Variants in CYP4Z1 observed in about 807,000 individuals in gnomAD.
The protein encoded by CYP4Z1 is cytochrome P450 family 4 subfamily Z member 1.
A neutral mutation model predicts 54.2 loss-of-function variants in CYP4Z1; 41 were observed. The observed-to-expected ratio is 0.76, with a 90% CI of 0.59 to 0.98. The LOEUF is 0.98. Ranked by LOEUF, CYP4Z1 falls within the 50% of genes least tolerant of loss-of-function variation. CYP4Z1 has a pLI of 0.00. For synonymous variants in CYP4Z1, 163 were observed against 206.2 expected (o/e 0.79, Z 1.79); for missense variants, 513 against 599.0 (o/e 0.86, Z 1.50).
At chr1:47,085,693 TC>T (rs1644587993) in intron 6 of CYP4Z1, among the ~76,000 whole-genome samples, 2 of 152,244 alleles carry the variant, frequency 1.3e-5, no homozygotes, top group South Asian at 4.1e-4. Flanking sequence ...CTTTTTCTTT[TC>T]CTTTTTTTTA....
Position 47,068,741 on chromosome 1 carries a change from C to G in CYP4Z1, c.297C>G (p.Ala99=). 2 of 1,614,040 alleles carry G rather than the reference C, an allele frequency of 1.2e-6. No homozygotes were observed. The highest frequency in any genetic ancestry group is 1.7e-6 in the Non-Finnish European group (2 of 1,179,980). The change falls in exon 2 of 12, where the codon GCC becomes GCG. Residue 99 remains alanine, a synonymous_variant. Coordinates refer to ENST00000334194, the MANE Select transcript of CYP4Z1 (RefSeq NM_178134.3). ...MFFSVHDPDY[A]KILLKRQDPK... is the part of the protein sequence containing the mutation. ...TCAGTGTCCATGACCCAGACTATGCCAAGATTCTCCTGAAAAGACAAGGTA... is the reference window on the plus strand; with the variant it reads ...TCAGTGTCCATGACCCAGACTATGCGAAGATTCTCCTGAAAAGACAAGGTA...
At chr1:47,106,565 G>T (rs1311157386) in intron 9 of CYP4Z1, among the ~76,000 whole-genome samples, 1 of 152,136 alleles carries the variant, frequency 6.6e-6, no homozygotes, top group African/African-American at 2.4e-5. Flanking sequence ...GCAAAGATGA[G>T]AGAGGCAGTA....
At chr1:47,105,370 TC>T (rs1644749338) in intron 8 of CYP4Z1, among the ~76,000 whole-genome samples, 1 of 152,092 alleles carries the variant, frequency 6.6e-6, no homozygotes, top group Non-Finnish European at 1.5e-5. Context: ...GTGAGCTCTC[TC>T]TCTGGAGTAA....
intron 9 of CYP4Z1, among the ~76,000 whole-genome samples, chr1:47,112,152 G>A (rs1436750596): frequency 1.3e-5 from 2 of 152,034 alleles, no homozygotes; most frequent in African/African-American, 2.4e-5. Flanking sequence ...CAGAACGGTT[G>A]CAAAACTAGT....
At chr1:47,055,951 C>G in the CYP4Z1 span, among the ~76,000 whole-genome samples, 3 of 151,936 alleles carry the variant, frequency 2.0e-5, no homozygotes, top group Admixed American at 6.6e-5. Context: ...TTGTTTCTTG[C>G]CTTCTGCTAG....
chr1:47,103,595 C>CTTTTTTTTTTT (rs373166937), intron 8 of CYP4Z1, among the ~76,000 whole-genome samples: 10 of 96,018 alleles, frequency 1.0e-4, no homozygotes, highest in South Asian at 3.9e-4. Context: ...TCTTTTTTTT[C>CTTTTTTTTTTT]TTTTTTTTTT....
intron 9 of CYP4Z1, among the ~76,000 whole-genome samples, chr1:47,114,689 GA>G (rs1218624556): frequency 2.0e-5 from 3 of 152,172 alleles, no homozygotes; most frequent in Admixed American, 6.5e-5. Flanking sequence ...ACAGACACAT[GA>G]AAAAATGCTC....
chr1:47,067,019 T>G (rs1569691486), upstream of CYP4Z1, among the ~76,000 whole-genome samples: 1 of 151,152 alleles, frequency 6.6e-6, no homozygotes, highest in South Asian at 2.1e-4. Flanking sequence ...AAGGGAGGGG[T>G]GATATATGGG....
intron 7 of CYP4Z1, among the ~76,000 whole-genome samples, chr1:47,094,948 A>G (rs1252398681): frequency 6.6e-6 from 1 of 152,136 alleles, no homozygotes; most frequent in Non-Finnish European, 1.5e-5. Context: ...GTGGTAGAGC[A>G]TGACTCTGTC....
intron 6 of CYP4Z1, 55 bp downstream of exon 6, chr1:47,085,033 A>C: frequency 1.5e-6 from 1 of 679,224 alleles, no homozygotes; most frequent in Admixed American, 3.0e-5. Flanking sequence ...TCATTGTCTG[A>C]GACATTGACT....
intron 8 of CYP4Z1, among the ~76,000 whole-genome samples, chr1:47,100,973 G>A (rs1445308832): frequency 6.6e-6 from 1 of 152,140 alleles, no homozygotes; most frequent in Non-Finnish European, 1.5e-5. Context: ...TTTCTTCCCA[G>A]TTCAGTCTGG....
At chr1:47,092,145 G>A (rs1644642748) in intron 6 of CYP4Z1, among the ~76,000 whole-genome samples, 2 of 151,888 alleles carry the variant, frequency 1.3e-5, no homozygotes, top group African/African-American at 2.4e-5. Context: ...CCACAGGCTG[G>A]ACAGGGTCAC....
At chr1:47,106,592 G>A (rs987078748) in intron 9 of CYP4Z1, among the ~76,000 whole-genome samples, 2 of 152,160 alleles carry the variant, frequency 1.3e-5, no homozygotes, top group African/African-American at 4.8e-5. Flanking sequence ...GCAGAGAGAA[G>A]AGCAGACACA....
chr1:47,116,623 G>A (rs1471032356), intron 10 of CYP4Z1, 27 bp from the exon 11 acceptor site: 3 of 1,504,156 alleles, frequency 2.0e-6, no homozygotes, highest in East Asian at 2.3e-5. Flanking sequence ...GGAGGGATTA[G>A]GACTGGGATC....
chr1:47,065,840 A>T (rs1281934384), upstream of CYP4Z1, among the ~76,000 whole-genome samples: 3 of 152,192 alleles, frequency 2.0e-5, no homozygotes, highest in African/African-American at 7.2e-5. Flanking sequence ...GAAATGAAAC[A>T]GGAGCTATTA....
chr1:47,095,023 A>G (rs999015929), intron 7 of CYP4Z1, among the ~76,000 whole-genome samples: 11 of 152,212 alleles, frequency 7.2e-5, no homozygotes, highest in African/African-American at 2.4e-4. Flanking sequence ...ACTTACTTAT[A>G]TGATAACTGA....
intron 8 of CYP4Z1, among the ~76,000 whole-genome samples, chr1:47,100,308 C>A (rs1471217462): frequency 6.6e-6 from 1 of 152,176 alleles, no homozygotes; most frequent in Non-Finnish European, 1.5e-5. Context: ...TTTGCTATTA[C>A]AATAGCGCCC....
the CYP4Z1 span, among the ~76,000 whole-genome samples, chr1:47,062,174 T>C: frequency 6.6e-6 from 1 of 152,154 alleles, no homozygotes. Context: ...TTGGAAGTCC[T>C]GGCCAAAGCA....
chr1:47,064,178 G>A (rs1644438462), upstream of CYP4Z1, among the ~76,000 whole-genome samples: 1 of 151,084 alleles, frequency 6.6e-6, no homozygotes, highest in East Asian at 1.9e-4. Context: ...TGCCTCCTGG[G>A]TTCAAGTGAT....
Sources: gnomAD v4.1 joint callset for allele counts (sites outside exome capture counted in the v4.1 genomes callset) on GRCh38, gnomAD v4.1.1 for gene constraint, MANE v1.5 for transcripts, NCBI Gene and HGNC (gene_info 2026-07-23, HGNC 2026-07-21) for gene names.